TXNDC16: variants seen among roughly 807,000 people sequenced by gnomAD.
TXNDC16 encodes thioredoxin domain-containing protein 16.
TXNDC16 carries 74 observed loss-of-function variants against 85.6 expected under a neutral mutation model. The observed-to-expected ratio is 0.86, with a 90% CI of 0.72 to 1.05. The LOEUF (loss-of-function observed/expected upper bound fraction) is 1.05, where lower values mean the gene tolerates loss of function less well. Ranked by LOEUF, TXNDC16 falls within the 50% of genes least tolerant of loss-of-function variation. TXNDC16 has a pLI of 0.00. For synonymous variants in TXNDC16, 335 were observed against 326.5 expected (o/e 1.03, Z -0.28); for missense variants, 959 against 947.0 (o/e 1.01, Z -0.17).
chr14:52,524,396 T>C (rs2037278897), intron 6 of TXNDC16, among the ~76,000 whole-genome samples: 1 of 152,266 alleles, frequency 6.6e-6, no homozygotes, highest in African/African-American at 2.4e-5. Context: ...CAAGAAGTAG[T>C]ACCATATCTT....
chr14:52,452,385 C>CA lies in TXNDC16; in HGVS notation c.1842+2938dup, dbSNP rs1445020672. ...CAGAATAGCCAAAGCTATTCCTAAG[C>CA]AAAAAAAGAACAAAACTGGAGGAAT... is the stretch of plus-strand genomic sequence containing the variant. On this transcript the variant is annotated intron_variant, in intron 18 of 20. Coordinates refer to ENST00000281741, the MANE Select transcript of TXNDC16 (RefSeq NM_020784.3). 2.6e-5 allele frequency among the ~76,000 whole-genome samples: 4 copies of CA among 151,890 alleles called. No homozygotes were observed. In the South Asian group the frequency reaches 8.3e-4, roughly 31 times the overall value.
Position 52,485,990 on chromosome 14 carries a change from G to C in TXNDC16, c.1108+2373C>G, listed in dbSNP as rs1476668601. ...TCAATGTTCAACTCTTGTGAAGCATGAGAGTTGCACTATATAACTTAAAGG... is the reference window on the plus strand; with the variant it reads ...TCAATGTTCAACTCTTGTGAAGCATCAGAGTTGCACTATATAACTTAAAGG... On this transcript the variant is annotated intron_variant, in intron 12 of 20. Coordinates refer to ENST00000281741, the MANE Select transcript of TXNDC16 (RefSeq NM_020784.3). Among the ~76,000 whole-genome samples, 3 of 152,274 alleles carry C rather than the reference G, an allele frequency of 2.0e-5. No homozygotes were observed. The East Asian group carries it at 5.8e-4, about 29-fold the overall frequency.
In TXNDC16 at chr14:52,529,889, TATATA is replaced by T. The variant is rs1594756705; in HGVS notation, c.392+6825_392+6829del. On this transcript the variant is annotated intron_variant, in intron 6 of 20. Coordinates refer to ENST00000281741, the MANE Select transcript of TXNDC16 (RefSeq NM_020784.3). ...TATGATACCTATTATATATATGAAT[TATATA>T]TTATATATTATATATTATATAATAT... Among the ~76,000 whole-genome samples the T allele has an allele frequency of 5.9e-5, 6 of 101,648 alleles. No individual in the cohort carries two copies. In the East Asian group the frequency reaches 1.8e-3, roughly 31 times the overall value. The allele number at this position is 101,648 out of a possible 152,430, so 66.7% of individuals were successfully genotyped here. A position where few individuals can be genotyped will look rare whatever the true frequency, so the allele number is the denominator to read the frequency against.
chr14:52,524,610 T>G (rs2037284209), intron 6 of TXNDC16, among the ~76,000 whole-genome samples: 1 of 152,116 alleles, frequency 6.6e-6, no homozygotes, highest in Non-Finnish European at 1.5e-5. Flanking sequence ...TGTCTCAGCC[T>G]CAGTCTGAGT....
Position 52,543,645 on chromosome 14 carries a change from G to T in TXNDC16, c.-73-15C>A. On this transcript the variant is annotated splice_polypyrimidine_tract_variant and intron_variant, in intron 2 of 20. Coordinates refer to ENST00000281741, the MANE Select transcript of TXNDC16 (RefSeq NM_020784.3). ...TAAGACAACACCTGGCACAGAGAAG[G>T]TATTCAACAAGAGTTTGTTGAATGA... The T allele has an allele frequency of 7.0e-7, 1 of 1,429,016 alleles. No individual in the cohort carries two copies. Among genetic ancestry groups the T allele is most frequent in the Non-Finnish European group, 9.5e-7 (1 of 1,050,424 alleles). 88.5% of individuals were successfully genotyped at this position (1,429,016 alleles called of 1,614,324 possible). A position where few individuals can be genotyped will look rare whatever the true frequency, so the allele number is the denominator to read the frequency against.
chr14:52,481,492 CTAT>C (rs2036149985), intron 14 of TXNDC16, among the ~76,000 whole-genome samples: 1 of 152,096 alleles, frequency 6.6e-6, no homozygotes, highest in Non-Finnish European at 1.5e-5. Context: ...TTATGAAACT[CTAT>C]TATTCATTTA....
At chr14:52,448,833 T>C (rs2035342488) in intron 18 of TXNDC16, among the ~76,000 whole-genome samples, 1 of 152,150 alleles carries the variant, frequency 6.6e-6, no homozygotes, top group Admixed American at 6.5e-5. Context: ...GTAGAGTTTT[T>C]ATTAGTTTTC....
chr14:52,499,897 C>T (rs2036618068), intron 9 of TXNDC16, among the ~76,000 whole-genome samples: 1 of 152,042 alleles, frequency 6.6e-6, no homozygotes, highest in Admixed American at 6.5e-5. Flanking sequence ...ATATCAAATA[C>T]AATGTAAATA....
At chr14:52,511,130 A>C (rs2036943400) in intron 9 of TXNDC16, 110 bp downstream of exon 9, 1 of 907,642 alleles carries the variant, frequency 1.1e-6, no homozygotes, top group Non-Finnish European at 1.5e-6. Context: ...CTAGTAAAAC[A>C]TGCATCTATA....
At chr14:52,481,205 T>C (rs1306974669) in intron 14 of TXNDC16, among the ~76,000 whole-genome samples, 1 of 151,532 alleles carries the variant, frequency 6.6e-6, no homozygotes, top group African/African-American at 2.4e-5. Context: ...AGGGTGGGAA[T>C]AGGGTAAGAA....
Position 52,470,152 on chromosome 14 carries a change from C to T in TXNDC16, c.1503G>A (p.Val501=). The T allele has an allele frequency of 6.2e-7, 1 of 1,604,422 alleles. No homozygotes were observed. Reference sequence around the variant, plus strand: ...CTGCTTCTTGGATCGATGTTATATTCACTGGATATGAAATCCTGTTGCTGG... The same window carrying T: ...CTGCTTCTTGGATCGATGTTATATTTACTGGATATGAAATCCTGTTGCTGG... ...FIQLNRISYP[V]NITSIQEAEE... The change falls in exon 16 of 21, where the codon GTG becomes GTA. Residue 501 remains valine, a synonymous_variant. Coordinates refer to ENST00000281741, the MANE Select transcript of TXNDC16 (RefSeq NM_020784.3).
chr14:52,436,599 A>G (rs907668584), intron 20 of TXNDC16, among the ~76,000 whole-genome samples: 2 of 152,222 alleles, frequency 1.3e-5, no homozygotes, highest in Non-Finnish European at 2.9e-5. Context: ...AATACCATCC[A>G]TATTTTATTT....
At chr14:52,436,087 T>C (rs2035020054) in intron 20 of TXNDC16, among the ~76,000 whole-genome samples, 1 of 152,162 alleles carries the variant, frequency 6.6e-6, no homozygotes, top group African/African-American at 2.4e-5. Context: ...GACAGTGCAG[T>C]ACTAGCATAA....
intron 9 of TXNDC16, among the ~76,000 whole-genome samples, chr14:52,501,265 G>GA (rs897147663): frequency 4.7e-5 from 7 of 149,748 alleles, no homozygotes; most frequent in East Asian, 3.9e-4. Context: ...TTACCTAAAA[G>GA]AAAAAAAAAG....
At chr14:52,451,002 A>C (rs2035398074) in intron 18 of TXNDC16, among the ~76,000 whole-genome samples, 1 of 151,978 alleles carries the variant, frequency 6.6e-6, no homozygotes, top group Non-Finnish European at 1.5e-5. Context: ...GGAGACCATT[A>C]TTCTAAGTAA....
chr14:52,530,040 G>T (rs1472095747), intron 6 of TXNDC16, among the ~76,000 whole-genome samples: 4 of 78,346 alleles, frequency 5.1e-5, no homozygotes, highest in Admixed American at 2.3e-4. Flanking sequence ...TTATTTTTAT[G>T]TAATTTATTT....
intron 8 of TXNDC16, among the ~76,000 whole-genome samples, chr14:52,514,406 G>A (rs571872290): frequency 1.3e-5 from 2 of 152,276 alleles, no homozygotes; most frequent in African/African-American, 4.8e-5. Flanking sequence ...GCCAAAAAGT[G>A]TGGAAAGTAG....
chr14:52,542,094 T>C (rs1207756492), intron 4 of TXNDC16, among the ~76,000 whole-genome samples: 1 of 152,166 alleles, frequency 6.6e-6, no homozygotes, highest in African/African-American at 2.4e-5. Context: ...AACTATAGGT[T>C]TGAAAAATGA....
At chr14:52,504,317 A>G (rs1171857907) in intron 9 of TXNDC16, among the ~76,000 whole-genome samples, 2 of 152,250 alleles carry the variant, frequency 1.3e-5, no homozygotes, top group Non-Finnish European at 2.9e-5. Context: ...GGGCAGCCAG[A>G]GAGAAAGGTC....
Sources: gnomAD v4.1 joint callset for allele counts (sites outside exome capture counted in the v4.1 genomes callset) on GRCh38, gnomAD v4.1.1 for gene constraint, MANE v1.5 for transcripts, NCBI Gene and HGNC (gene_info 2026-07-23, HGNC 2026-07-21) for gene names.